ADAMTS6: variants seen among roughly 807,000 people sequenced by gnomAD.
The protein encoded by ADAMTS6 is ADAM metallopeptidase with thrombospondin type 1 motif 6.
In ADAMTS6, 23 loss-of-function variants were observed where a neutral mutation model predicts 144.3. The observed-to-expected ratio is 0.16, with a 90% CI of 0.11 to 0.23. ADAMTS6 has a LOEUF of 0.23. ADAMTS6 is among the 10% of genes least tolerant of loss of function. ADAMTS6 has a pLI of 1.00. For missense variants in ADAMTS6, 999 were observed against 1,379.6 expected, an observed-to-expected ratio of 0.72 and a Z score of 4.37; for synonymous variants, 444 against 457.5, an observed-to-expected ratio of 0.97 and a Z score of 0.38.
chr5:65,299,693 A>T (rs182376637), intron 10 of ADAMTS6, among the ~76,000 whole-genome samples: 1 of 152,224 alleles, frequency 6.6e-6, no homozygotes, highest in Admixed American at 6.5e-5. Context: ...TGTGCTATTA[A>T]ATCATGCAAA....
chr5:65,425,690 CTTATTA>C (rs1756449179), intron 7 of ADAMTS6, among the ~76,000 whole-genome samples: 1 of 151,940 alleles, frequency 6.6e-6, no homozygotes, highest in Non-Finnish European at 1.5e-5. Flanking sequence ...ACATTATTAT[CTTATTA>C]TTAAGAACAA....
intron 9 of ADAMTS6, among the ~76,000 whole-genome samples, chr5:65,302,275 TATATATAAAATATTA>T (rs1441942006): frequency 6.9e-6 from 1 of 144,300 alleles, no homozygotes; most frequent in African/African-American, 2.5e-5. Flanking sequence ...ATATCTAAAT[TATATATAAAATATTA>T]ATATATAATA....
At chr5:65,336,574 T>C (rs559450426) in intron 7 of ADAMTS6, among the ~76,000 whole-genome samples, 1 of 152,150 alleles carries the variant, frequency 6.6e-6, no homozygotes, top group East Asian at 1.9e-4. Context: ...ATAACAAATA[T>C]AAGGGTAATA....
intron 7 of ADAMTS6, among the ~76,000 whole-genome samples, chr5:65,402,651 G>T (rs972575396): frequency 6.6e-6 from 1 of 151,774 alleles, no homozygotes; most frequent in Non-Finnish European, 1.5e-5. Flanking sequence ...CGCCCTCCTT[G>T]CTATCACAAT....
chr5:65,373,262 C>A (rs1451672367), intron 7 of ADAMTS6, among the ~76,000 whole-genome samples: 2 of 151,042 alleles, frequency 1.3e-5, no homozygotes, highest in Non-Finnish European at 2.9e-5. Context: ...AAAATCAGAG[C>A]AGAACTGAAG....
intron 21 of ADAMTS6, among the ~76,000 whole-genome samples, chr5:65,196,731 T>A (rs904983677): frequency 6.6e-6 from 1 of 151,986 alleles, no homozygotes; most frequent in Admixed American, 6.6e-5. Context: ...GATGCTAAAA[T>A]GTGAAAAGAT....
chr5:65,414,396 C>T (rs1755321788), intron 7 of ADAMTS6, among the ~76,000 whole-genome samples: 1 of 151,774 alleles, frequency 6.6e-6, no homozygotes, highest in Non-Finnish European at 1.5e-5. Flanking sequence ...ATGTCTTATT[C>T]CATTTAATTT....
At chr5:65,206,647 C>A (rs1392400993) in intron 20 of ADAMTS6, among the ~76,000 whole-genome samples, 1 of 146,626 alleles carries the variant, frequency 6.8e-6, no homozygotes, top group Non-Finnish European at 1.5e-5. Flanking sequence ...TTGCAGTGAG[C>A]CATGATCGTG....
intron 9 of ADAMTS6, among the ~76,000 whole-genome samples, chr5:65,308,930 T>C (rs187196074): frequency 7.6e-4 from 116 of 152,088 alleles, no homozygotes; most frequent in Non-Finnish European, 1.4e-3. Flanking sequence ...TTAAAAGCAA[T>C]ATGATATTGG....
intron 7 of ADAMTS6, chr5:65,415,922 C>A (rs762814994): frequency 4.9e-5 from 9 of 183,136 alleles, no homozygotes; most frequent in Non-Finnish European, 1.0e-4. Flanking sequence ...GTGCTGGTGA[C>A]CTCATCCCTG....
rs567028106 is a variant in ADAMTS6 at position 65,210,179 on chromosome 5, G to A, written c.2575+4615C>T. On this transcript the variant is annotated intron_variant, in intron 20 of 24. Coordinates refer to ENST00000381055, the MANE Select transcript of ADAMTS6 (RefSeq NM_197941.4). ...TAAGATCTATGAAGGCCGGCCGGGC[G>A]CGGTGGCTCACGCCTGTAATCCCAG... The A allele has an allele frequency of 6.8e-4, 138 of 202,330 alleles. No homozygotes were observed. The East Asian group carries it at 7.2e-3, about 10-fold the overall frequency. The allele number at this position is 202,330 out of a possible 1,614,324, so 12.5% of individuals were successfully genotyped here. A position where few individuals can be genotyped will look rare whatever the true frequency, so the allele number is the denominator to read the frequency against.
intron 22 of ADAMTS6, among the ~76,000 whole-genome samples, chr5:65,174,621 C>T (rs1753854254): frequency 6.6e-6 from 1 of 152,188 alleles, no homozygotes; most frequent in South Asian, 2.1e-4. Context: ...GGCCTGATCA[C>T]CCACGGTCTG....
rs143021833 is a variant in ADAMTS6 at position 65,358,302 on chromosome 5, A to T, written c.1074-24217T>A. Among the ~76,000 whole-genome samples the T allele has an allele frequency of 1.6e-3, 239 of 152,104 alleles. 1 individual carries two copies. Among genetic ancestry groups the T allele is most frequent in the Non-Finnish European group, 1.9e-3 (127 of 67,854 alleles). ...TAAAACTTCTCAACAAATTAGGTAC[A>T]GAAGAAATGTACCTAAACACAATAA... On this transcript the variant is annotated intron_variant, in intron 7 of 24. Transcript: ENST00000381055.
At chr5:65,390,556 G>A in intron 7 of ADAMTS6, among the ~76,000 whole-genome samples, 1 of 152,194 alleles carries the variant, frequency 6.6e-6, no homozygotes, top group East Asian at 1.9e-4. Flanking sequence ...TCAGGCCATT[G>A]AAAAGAATGT....
intron 22 of ADAMTS6, 25 bp from the exon 23 acceptor site, chr5:65,173,033 A>G (rs372254854): frequency 2.9e-4 from 472 of 1,604,574 alleles, no homozygotes; most frequent in Non-Finnish European, 3.9e-4. Context: ...AATAGTAATG[A>G]ATCACGACAG....
intron 18 of ADAMTS6, among the ~76,000 whole-genome samples, chr5:65,219,533 G>T (rs1580092425): frequency 6.6e-6 from 1 of 152,190 alleles, no homozygotes; most frequent in South Asian, 2.1e-4. Flanking sequence ...TCAGAAGACA[G>T]CTGGGGTAGC....
At chr5:65,408,041 T>C (rs902265246) in intron 7 of ADAMTS6, among the ~76,000 whole-genome samples, 1 of 151,960 alleles carries the variant, frequency 6.6e-6, no homozygotes, top group African/African-American at 2.4e-5. Context: ...CACTGAAAAA[T>C]CATGCCAAAA....
At chr5:65,419,535 C>T (rs945637382) in intron 7 of ADAMTS6, among the ~76,000 whole-genome samples, 23 of 151,986 alleles carry the variant, frequency 1.5e-4, no homozygotes, top group Non-Finnish European at 3.2e-4. Context: ...GCACATGCAA[C>T]TCCTGAATCT....
intron 4 of ADAMTS6, among the ~76,000 whole-genome samples, chr5:65,457,951 T>C (rs1388834926): frequency 6.6e-6 from 1 of 151,932 alleles, no homozygotes; most frequent in Non-Finnish European, 1.5e-5. Context: ...GGTCTCGATC[T>C]CCTGACCTCG....
Sources: allele counts gnomAD v4.1 joint callset (sites outside exome capture counted in the v4.1 genomes callset), GRCh38; gene constraint gnomAD v4.1.1; transcripts MANE v1.5; gene names NCBI Gene and HGNC (gene_info 2026-07-23, HGNC 2026-07-21).